GALNT13: variants seen among roughly 807,000 people sequenced by gnomAD.
GALNT13 encodes polypeptide N-acetylgalactosaminyltransferase 13.
In GALNT13, 28 loss-of-function variants were observed where a neutral mutation model predicts 64.2. That is an observed-to-expected ratio of 0.44 (90% CI 0.32 to 0.60). The LOEUF (loss-of-function observed/expected upper bound fraction) is 0.60, where lower values mean the gene tolerates loss of function less well. Among genes scored for constraint, GALNT13 ranks in the 20% least tolerant of loss-of-function variants. GALNT13 has a pLI of 0.05. For missense variants in GALNT13, 577 were observed against 669.8 expected (o/e 0.86, Z 1.53); for synonymous variants, 214 against 224.6 (o/e 0.95, Z 0.42).
the GALNT13 span, among the ~76,000 whole-genome samples, chr2:153,827,519 G>A: frequency 2.6e-5 from 4 of 151,962 alleles, no homozygotes; most frequent in South Asian, 2.1e-4. Context: ...CAGCTACTTG[G>A]GAGGCTGAGC....
intron 2 of GALNT13, among the ~76,000 whole-genome samples, chr2:153,939,064 A>C (rs575214365): frequency 1.5e-4 from 23 of 152,304 alleles, no homozygotes; most frequent in African/African-American, 3.1e-4. Flanking sequence ...AACAAAAAAA[A>C]CCCCACAATT....
intron 4 of GALNT13, among the ~76,000 whole-genome samples, chr2:154,191,390 A>G (rs1686570583): frequency 6.6e-6 from 1 of 152,202 alleles, no homozygotes; most frequent in Non-Finnish European, 1.5e-5. Flanking sequence ...GATGAAAGAA[A>G]AGAGCTTGGA....
chr2:154,445,711 TTG>T, intron 12 of GALNT13: 2 of 670,458 alleles, frequency 3.0e-6, no homozygotes, highest in Non-Finnish European at 4.4e-6. Context: ...ATCCAATAAT[TTG>T]TGTTCATTAA....
the GALNT13 span, among the ~76,000 whole-genome samples, chr2:153,665,649 T>A: frequency 3.9e-5 from 6 of 152,104 alleles, no homozygotes; most frequent in Admixed American, 3.3e-4. Context: ...CAGACTCTGG[T>A]CTGAAGTAGA....
chr2:153,667,684 A>G, the GALNT13 span, among the ~76,000 whole-genome samples: 2 of 152,228 alleles, frequency 1.3e-5, no homozygotes, highest in African/African-American at 2.4e-5. Flanking sequence ...TCTTAAGTAC[A>G]TAGAGCATTG....
intron 8 of GALNT13, among the ~76,000 whole-genome samples, chr2:154,280,064 A>C (rs996911206): frequency 5.9e-5 from 9 of 152,326 alleles, no homozygotes; most frequent in African/African-American, 2.2e-4. Flanking sequence ...AGCTTTAAAA[A>C]ATAATGTCTT....
intron 4 of GALNT13, among the ~76,000 whole-genome samples, chr2:154,158,977 T>G (rs1387817215): frequency 6.6e-6 from 1 of 152,184 alleles, no homozygotes; most frequent in Admixed American, 6.5e-5. Context: ...TATATTTTTC[T>G]GCTTTGTACT....
At chr2:153,369,595 T>G in the GALNT13 span, among the ~76,000 whole-genome samples, 3 of 152,318 alleles carry the variant, frequency 2.0e-5, no homozygotes, top group African/African-American at 7.2e-5. Flanking sequence ...TCCCTCTGAC[T>G]GTTAGCTGGA....
the GALNT13 span, among the ~76,000 whole-genome samples, chr2:153,532,962 C>A: frequency 6.6e-6 from 1 of 152,154 alleles, no homozygotes; most frequent in Non-Finnish European, 1.5e-5. Flanking sequence ...ATATTCTATT[C>A]TCCATGAGCT....
chr2:153,124,547 C>A, the GALNT13 span, among the ~76,000 whole-genome samples: 1 of 152,128 alleles, frequency 6.6e-6, no homozygotes, highest in Non-Finnish European at 1.5e-5. Context: ...TGCTCTGTCA[C>A]CAGGCTGGAG....
At chr2:153,652,539 C>G in the GALNT13 span, among the ~76,000 whole-genome samples, 1 of 152,040 alleles carries the variant, frequency 6.6e-6, no homozygotes, top group African/African-American at 2.4e-5. Flanking sequence ...TGATTGAACC[C>G]AGGAGGCGGA....
chr2:153,300,776 G>T, the GALNT13 span, among the ~76,000 whole-genome samples: 1 of 152,170 alleles, frequency 6.6e-6, no homozygotes, highest in Non-Finnish European at 1.5e-5. Context: ...TTGGAAAGAT[G>T]AATGACGTGT....
chr2:153,948,290 A>G (rs1479207426), intron 3 of GALNT13, among the ~76,000 whole-genome samples: 1 of 152,132 alleles, frequency 6.6e-6, no homozygotes, highest in Non-Finnish European at 1.5e-5. Flanking sequence ...TTGCAAATCA[A>G]AGCCGCAATG....
chr2:153,251,684 T>C, the GALNT13 span, among the ~76,000 whole-genome samples: 2 of 140,918 alleles, frequency 1.4e-5, no homozygotes, highest in Non-Finnish European at 3.0e-5. Flanking sequence ...TGTGTTCTCA[T>C]TGTTCAGTTC....
intron 4 of GALNT13, among the ~76,000 whole-genome samples, chr2:154,151,159 C>A (rs1373538620): frequency 6.6e-6 from 1 of 152,124 alleles, no homozygotes; most frequent in African/African-American, 2.4e-5. Flanking sequence ...CAAAGAACAT[C>A]TTTATTTCTG....
the GALNT13 span, among the ~76,000 whole-genome samples, chr2:153,768,580 C>A: frequency 6.6e-6 from 1 of 152,070 alleles, no homozygotes; most frequent in Non-Finnish European, 1.5e-5. Context: ...TATTTAAAAT[C>A]TGGGACAGGC....
intron 3 of GALNT13, among the ~76,000 whole-genome samples, chr2:154,026,855 A>C (rs1211348667): frequency 6.6e-6 from 1 of 152,132 alleles, no homozygotes; most frequent in Admixed American, 6.5e-5. Flanking sequence ...TAAGAATTGG[A>C]AGTATAGTTG....
At chr2:154,075,447 G>T (rs1026711078) in intron 3 of GALNT13, among the ~76,000 whole-genome samples, 1 of 151,672 alleles carries the variant, frequency 6.6e-6, no homozygotes, top group African/African-American at 2.4e-5. Flanking sequence ...ATTAATGCAT[G>T]TAAAAAAGTA....
the GALNT13 span, among the ~76,000 whole-genome samples, chr2:153,268,569 C>A: frequency 6.6e-6 from 1 of 152,140 alleles, no homozygotes; most frequent in Non-Finnish European, 1.5e-5. Context: ...AAGTGGCCCT[C>A]TTTTTACAGT....
Sources: allele counts gnomAD v4.1 joint callset (sites outside exome capture counted in the v4.1 genomes callset), GRCh38; gene constraint gnomAD v4.1.1; transcripts MANE v1.5; gene names NCBI Gene and HGNC (gene_info 2026-07-23, HGNC 2026-07-21).